The following SEPTIN9 variants were observed in gnomAD, a reference collection of about 807,000 sequenced individuals.
SEPTIN9 encodes septin 9, also known as septin-9.
A neutral mutation model predicts 56.6 loss-of-function variants in SEPTIN9; 13 were observed. The observed-to-expected ratio is 0.23, with a 90% CI of 0.15 to 0.37. The LOEUF is 0.37. SEPTIN9 is among the 10% of genes least tolerant of loss of function. The pLI is 1.00. For missense variants in SEPTIN9, 650 were observed against 823.1 expected, an observed-to-expected ratio of 0.79 and a Z score of 2.57; for synonymous variants, 332 against 334.1, an observed-to-expected ratio of 0.99 and a Z score of 0.07.
intron 3 of SEPTIN9, among the ~76,000 whole-genome samples, chr17:77,468,765 C>T (rs1162888398): frequency 3.9e-5 from 6 of 152,282 alleles, no homozygotes; most frequent in Middle Eastern, 3.4e-3. Flanking sequence ...ATTTTACACA[C>T]GCCCCCTGGT....
chr17:77,439,876 G>A (rs914048831), intron 3 of SEPTIN9, among the ~76,000 whole-genome samples: 1 of 152,186 alleles, frequency 6.6e-6, no homozygotes, highest in African/African-American at 2.4e-5. Context: ...GGGCCTTGCC[G>A]AGTGCTGCCA....
chr17:77,395,526 C>CAAAA (rs72242549), intron 2 of SEPTIN9, among the ~76,000 whole-genome samples: 1 of 115,320 alleles, frequency 8.7e-6, no homozygotes, highest in Non-Finnish European at 1.8e-5. Flanking sequence ...GAGACTGTCT[C>CAAAA]AAAAAAAAAA....
Position 77,318,456 on chromosome 17 carries a change from G to A in SEPTIN9, c.76+11259G>A, listed in dbSNP as rs149669009. Among the ~76,000 whole-genome samples the A allele has an allele frequency of 2.5e-3, 381 of 152,072 alleles. 2 individuals carry two copies. The highest frequency in any genetic ancestry group is 0.024 in the South Asian group (114 of 4,820). On this transcript the variant is annotated intron_variant, in intron 2 of 11. Transcript: ENST00000427177. This position sits in a 1 kb window ranked among gnomAD's most constrained non-coding sequence, Gnocchi z 4.9. ...ATGCAAAAACTCTTGTTCCAAACAA[G>A]GTCCCATTTGCAGGTCTAGGGATTA...
At chr17:77,399,715 T>C (rs1306717478) in intron 2 of SEPTIN9, among the ~76,000 whole-genome samples, 1 of 152,198 alleles carries the variant, frequency 6.6e-6, no homozygotes, top group Non-Finnish European at 1.5e-5. Flanking sequence ...CCCTGGACTT[T>C]CTGGCTGGTA....
chr17:77,355,049 T>C (rs2034185613), intron 2 of SEPTIN9, among the ~76,000 whole-genome samples: 1 of 152,146 alleles, frequency 6.6e-6, no homozygotes, highest in African/African-American at 2.4e-5. Flanking sequence ...AGGAAAGGAT[T>C]AGAATGCTTT....
chr17:77,331,667 G>A (rs1409833064), intron 2 of SEPTIN9, among the ~76,000 whole-genome samples: 1 of 152,172 alleles, frequency 6.6e-6, no homozygotes, highest in African/African-American at 2.4e-5. Flanking sequence ...GGCTGCCTGG[G>A]TGTAGTTTCC....
chr17:77,403,430 G>C (rs1206787054), intron 3 of SEPTIN9, among the ~76,000 whole-genome samples: 2 of 152,242 alleles, frequency 1.3e-5, no homozygotes, highest in Admixed American at 1.3e-4. Flanking sequence ...TGGGGCTCCA[G>C]CAGCGTCCTG....
rs1307405162 is a variant in SEPTIN9 at position 77,435,936 on chromosome 17, AC to A, written c.721+33235del. 6.6e-6 allele frequency among the ~76,000 whole-genome samples: 1 copy of A among 152,056 alleles called. No individual in the cohort carries two copies. On this transcript the variant is annotated intron_variant, in intron 3 of 11. Coordinates refer to ENST00000427177, the MANE Select transcript of SEPTIN9 (RefSeq NM_001113491.2). This position sits in a 1 kb window ranked among gnomAD's most constrained non-coding sequence, Gnocchi z 4.5. ...ATTCCTCCACCTGGAAAAACCTTAC[AC>A]CGTTTAGGGCTTGAGGCAGGGCTAG...
Position 77,349,617 on chromosome 17 carries a change from G to A in SEPTIN9, c.76+42420G>A, listed in dbSNP as rs1369835. Among the ~76,000 whole-genome samples the A allele has an allele frequency of 3.3e-3, 504 of 152,242 alleles. 5 individuals are homozygous for A. The highest frequency in any genetic ancestry group is 0.011 in the African/African-American group (475 of 41,546). On this transcript the variant is annotated intron_variant, in intron 2 of 11. Transcript: ENST00000427177. Reference sequence around the variant, plus strand: ...CTTTTAAGACTTTTTATCCAAGTTTGATTGCTCAGTACCTACCTCTGGGCA... The same window carrying A: ...CTTTTAAGACTTTTTATCCAAGTTTAATTGCTCAGTACCTACCTCTGGGCA...
chr17:77,305,744 CAT>C (rs1463069993), intron 1 of SEPTIN9, among the ~76,000 whole-genome samples: 1 of 151,656 alleles, frequency 6.6e-6, no homozygotes, highest in Admixed American at 6.6e-5. Flanking sequence ...AGTTATGGAA[CAT>C]GTGTACAGGC....
chr17:77,283,822 G>T (rs762656981), intron 1 of SEPTIN9, among the ~76,000 whole-genome samples: 5 of 152,132 alleles, frequency 3.3e-5, no homozygotes, highest in Non-Finnish European at 5.9e-5. Context: ...TTATGTGCTG[G>T]GCACACATGG....
chr17:77,354,479 C>G (rs974811019), intron 2 of SEPTIN9, among the ~76,000 whole-genome samples: 2 of 152,150 alleles, frequency 1.3e-5, no homozygotes, highest in Non-Finnish European at 2.9e-5. Flanking sequence ...GCTCCAGGGA[C>G]TGGATTTCCC....
At position 77,327,700 on chromosome 17, in the gene SEPTIN9, G is replaced by A. The variant is rs2033193244; in HGVS notation, c.76+20503G>A. ...AGCCCGGAGACTCCCTCTGCCTGTG[G>A]ACGCCCTCATACCTCCATCCGTGGA... On this transcript the variant is annotated intron_variant, in intron 2 of 11. Coordinates refer to ENST00000427177, the MANE Select transcript of SEPTIN9 (RefSeq NM_001113491.2). This position sits in a 1 kb window ranked among gnomAD's most constrained non-coding sequence, Gnocchi z 5.0. Among the ~76,000 whole-genome samples, 1 of 152,144 alleles carries A rather than the reference G, an allele frequency of 6.6e-6. No homozygotes were observed. The highest frequency in any genetic ancestry group is 1.5e-5 in the Non-Finnish European group (1 of 68,038).
At chr17:77,477,916 G>T (rs1329697296) in intron 3 of SEPTIN9, among the ~76,000 whole-genome samples, 2 of 152,196 alleles carry the variant, frequency 1.3e-5, no homozygotes, top group Non-Finnish European at 2.9e-5. Context: ...GACCCAGACA[G>T]ATCCTTGCAC....
In SEPTIN9 at chr17:77,389,309, T is replaced by G. The variant is rs973384312; in HGVS notation, c.77-12750T>G. On this transcript the variant is annotated intron_variant, in intron 2 of 11. Transcript: ENST00000427177. The surrounding 1 kb of genome is among the most constrained non-coding windows in gnomAD (Gnocchi z 4.3). ...GAGGAGGTGGCTGGCGACCCTGTGG[T>G]GGGGACGAGGGGGCTATGAGCAGAC... is the stretch of plus-strand genomic sequence containing the variant. Among the ~76,000 whole-genome samples the G allele has an allele frequency of 5.9e-5, 9 of 151,584 alleles. No individual in the cohort carries two copies. The highest frequency in any genetic ancestry group is 1.9e-4 in the African/African-American group (8 of 41,178).
At chr17:77,483,631 A>G (rs142399390) in intron 4 of SEPTIN9, 3,037 of 152,148 alleles carry the variant, frequency 0.02, 48 homozygotes, top group South Asian at 0.036. Context: ...GGACCTGGGA[A>G]CCTCTGCGTC....
At position 77,451,271 on chromosome 17, in the gene SEPTIN9, C is replaced by T. The variant is rs930685693; in HGVS notation, c.722-30873C>T. ...GCCTTCAGGTTGCTTCTGCGCCGGG[C>T]CTGCCGCTGGGCGCCCCTATCTCTG... On this transcript the variant is annotated intron_variant, in intron 3 of 11. Coordinates refer to ENST00000427177, the MANE Select transcript of SEPTIN9 (RefSeq NM_001113491.2). This position sits in a 1 kb window ranked among gnomAD's most constrained non-coding sequence, Gnocchi z 4.2. 7.0e-6 allele frequency: 5 copies of T among 717,526 alleles called. No individual in the cohort carries two copies. The African/African-American group carries it at 9.6e-5, about 14-fold the overall frequency. The allele number at this position is 717,526 out of a possible 1,614,324, so 44.4% of individuals were successfully genotyped here. A position where few individuals can be genotyped will look rare whatever the true frequency, so the allele number is the denominator to read the frequency against.
At chr17:77,312,647 T>C (rs1425792408) in intron 2 of SEPTIN9, among the ~76,000 whole-genome samples, 1 of 152,132 alleles carries the variant, frequency 6.6e-6, no homozygotes, top group Non-Finnish European at 1.5e-5. Context: ...GGACTGACCT[T>C]GATAGGAGAT....
chr17:77,453,899 A>T lies in SEPTIN9; in HGVS notation c.722-28245A>T, dbSNP rs549359323. 1 of 225,100 alleles carries T rather than the reference A, an allele frequency of 4.4e-6. No individual in the cohort carries two copies. Among genetic ancestry groups the T allele is most frequent in the East Asian group, 1.8e-4 (1 of 5,486 alleles). The allele number at this position is 225,100 out of a possible 1,614,324, so 13.9% of individuals were successfully genotyped here. ...TTCTCCCTGCCCCCAGGCCTGGTGC[A>T]GTGTGTGGCTTCCCTGCCGGTGTCA... On this transcript the variant is annotated intron_variant, in intron 3 of 11. Transcript: ENST00000427177. This position sits in a 1 kb window ranked among gnomAD's most constrained non-coding sequence, Gnocchi z 4.4.
Sources: gnomAD v4.1 joint callset for allele counts (sites outside exome capture counted in the v4.1 genomes callset) on GRCh38, gnomAD v4.1.1 for gene constraint, Gnocchi (gnomAD v3.1) non-coding constraint, MANE v1.5 for transcripts, NCBI Gene and HGNC (gene_info 2026-07-23, HGNC 2026-07-21) for gene names.